The following GRIA1 variants were observed in gnomAD, a reference collection of about 807,000 sequenced individuals.
GRIA1 encodes the protein glutamate ionotropic receptor AMPA type subunit 1.
GRIA1 carries 31 observed loss-of-function variants against 99.2 expected under a neutral mutation model. The ratio of observed to expected loss-of-function variants is 0.31; its 90% CI spans 0.23 to 0.42. The LOEUF (loss-of-function observed/expected upper bound fraction) is 0.42, where lower values mean the gene tolerates loss of function less well. Among genes scored for constraint, GRIA1 ranks in the 10% least tolerant of loss-of-function variants. The pLI, the probability that GRIA1 is intolerant of heterozygous loss-of-function variation, is 1.00. For synonymous variants in GRIA1, 438 were observed against 432.4 expected, an observed-to-expected ratio of 1.01 and a Z score of -0.16; for missense variants, 782 against 1,157.5, an observed-to-expected ratio of 0.68 and a Z score of 4.71.
chr5:153,726,672 T>C (rs1334545426), intron 11 of GRIA1, among the ~76,000 whole-genome samples: 2 of 152,112 alleles, frequency 1.3e-5, no homozygotes, highest in Admixed American at 1.3e-4. Context: ...ACATACACCC[T>C]CCCAAGACTA....
At chr5:153,654,663 T>C (rs1001005345) in intron 4 of GRIA1, among the ~76,000 whole-genome samples, 2 of 152,212 alleles carry the variant, frequency 1.3e-5, no homozygotes, top group Non-Finnish European at 2.9e-5. Flanking sequence ...ACTATGCACA[T>C]ACATCCAATT....
intron 1 of GRIA1, chr5:153,492,094 G>A: frequency 7.2e-7 from 1 of 1,394,338 alleles, no homozygotes; most frequent in Non-Finnish European, 9.4e-7. Flanking sequence ...CCCTGGTAGG[G>A]AGATAGCTCC....
intron 5 of GRIA1, among the ~76,000 whole-genome samples, chr5:153,662,507 T>A (rs1318561164): frequency 1.3e-5 from 2 of 152,146 alleles, no homozygotes; most frequent in Admixed American, 6.5e-5. Flanking sequence ...CTGTGGGGTG[T>A]CTGGGAAGGC....
chr5:153,678,132 G>A (rs1756722593), intron 7 of GRIA1, among the ~76,000 whole-genome samples: 2 of 152,182 alleles, frequency 1.3e-5, no homozygotes, highest in Non-Finnish European at 2.9e-5. Flanking sequence ...GCCTGCCTAA[G>A]ACCAGCTTTA....
intron 8 of GRIA1, among the ~76,000 whole-genome samples, chr5:153,697,185 C>T (rs1758172006): frequency 6.6e-6 from 1 of 152,172 alleles, no homozygotes; most frequent in African/African-American, 2.4e-5. Flanking sequence ...GTGTAAGATC[C>T]CACACTTGGC....
intron 11 of GRIA1, among the ~76,000 whole-genome samples, chr5:153,725,560 A>C (rs1335672827): frequency 9.5e-6 from 1 of 104,892 alleles, no homozygotes; most frequent in African/African-American, 3.9e-5. Flanking sequence ...TCTACCAAGC[A>C]AATGGAAAAC....
intron 2 of GRIA1, among the ~76,000 whole-genome samples, chr5:153,537,836 G>T (rs56356100): frequency 0.067 from 10,171 of 152,190 alleles, 975 homozygotes; most frequent in African/African-American, 0.21. Flanking sequence ...CATGAGATGT[G>T]GTTTTTTGTT....
At chr5:153,718,179 C>T (rs73277290) in intron 11 of GRIA1, among the ~76,000 whole-genome samples, 3,060 of 152,120 alleles carry the variant, frequency 0.02, 97 homozygotes, top group African/African-American at 0.068. Flanking sequence ...TCTAAGTTTG[C>T]GACACAGTAG....
chr5:153,535,155 C>G (rs1758450545), intron 2 of GRIA1, among the ~76,000 whole-genome samples: 1 of 152,130 alleles, frequency 6.6e-6, no homozygotes, highest in South Asian at 2.1e-4. Flanking sequence ...CTCCTGACCT[C>G]AAGCGATCTG....
rs1167035361 is a variant in GRIA1 at position 153,647,183 on chromosome 5, G to C, written c.460+16G>C. ...GCCGACCGGGGTAAGCCAAGGGTTA[G>C]GGGAGGGAGACTTTTGAGGGATGGA... On this transcript the variant is annotated intron_variant, in intron 3 of 15. Coordinates refer to ENST00000285900, the MANE Select transcript of GRIA1 (RefSeq NM_000827.4). 1 of 1,610,572 alleles carries C rather than the reference G, an allele frequency of 6.2e-7. No homozygotes were observed. The highest frequency in any genetic ancestry group is 8.5e-7 in the Non-Finnish European group (1 of 1,177,406).
At chr5:153,780,106 T>C (rs2149635946) in intron 13 of GRIA1, among the ~76,000 whole-genome samples, 1 of 152,320 alleles carries the variant, frequency 6.6e-6, no homozygotes, top group Admixed American at 6.5e-5. Flanking sequence ...AGAGGCTGTC[T>C]TGGTCAAAAA....
chr5:153,570,218 C>T (rs1183109212), intron 2 of GRIA1, among the ~76,000 whole-genome samples: 2 of 152,188 alleles, frequency 1.3e-5, no homozygotes, highest in Non-Finnish European at 2.9e-5. Flanking sequence ...CACCTATCTA[C>T]TTTCTCTGCA....
At position 153,569,939 on chromosome 5, in the gene GRIA1, C is replaced by T. The variant is rs78935953; in HGVS notation, c.220+75874C>T. Among the ~76,000 whole-genome samples the T allele has an allele frequency of 8.9e-3, 1,352 of 152,254 alleles. 28 individuals carry two copies. The highest frequency in any genetic ancestry group is 0.031 in the African/African-American group (1,275 of 41,536). ...TGTGTTATCAGAGCTGCAACCAGAG[C>T]TAAGGTTGAGGCTTTATGAACCTTA... is the stretch of plus-strand genomic sequence containing the variant. On this transcript the variant is annotated intron_variant, in intron 2 of 15. Coordinates refer to ENST00000285900, the MANE Select transcript of GRIA1 (RefSeq NM_000827.4).
At chr5:153,586,817 T>C (rs1763525925) in intron 2 of GRIA1, among the ~76,000 whole-genome samples, 1 of 152,162 alleles carries the variant, frequency 6.6e-6, no homozygotes, top group African/African-American at 2.4e-5. Context: ...TTTACTCAAA[T>C]GTAAAGAAAA....
In GRIA1 at chr5:153,686,312, C is replaced by T. The variant is rs1338836265; in HGVS notation, c.1117C>T (p.His373Tyr). Residue 373 changes from histidine (H) to tyrosine (Y), a missense_variant, in exon 8 of 16, where the codon CAT becomes TAT. His to Tyr is a moderately conservative substitution (Grantham distance 83, BLOSUM62 2). Coordinates refer to ENST00000285900, the MANE Select transcript of GRIA1 (RefSeq NM_000827.4). ...NYTLHVIEMK[H>Y]DGIRKIGYWN... ...CACGCTCCACGTGATTGAAATGAAA[C>T]ATGACGGCATCCGAAAGGTAAGGTC... 7 of 1,613,362 alleles carry T rather than the reference C, an allele frequency of 4.3e-6. No homozygotes were observed. Among genetic ancestry groups the T allele is most frequent in the Non-Finnish European group, 5.9e-6 (7 of 1,179,306 alleles).
chr5:153,624,294 G>A (rs925487711), intron 2 of GRIA1, among the ~76,000 whole-genome samples: 17 of 152,214 alleles, frequency 1.1e-4, no homozygotes, highest in African/African-American at 3.4e-4. Context: ...CTCTCTAACC[G>A]TGACTCAGCA....
At chr5:153,666,276 C>A (rs1038659204) in intron 5 of GRIA1, among the ~76,000 whole-genome samples, 1 of 152,186 alleles carries the variant, frequency 6.6e-6, no homozygotes, top group South Asian at 2.1e-4. Flanking sequence ...GGGCCAACGT[C>A]CCTGCCCTCC....
chr5:153,693,534 A>G (rs1158520377), intron 8 of GRIA1, among the ~76,000 whole-genome samples: 1 of 152,228 alleles, frequency 6.6e-6, no homozygotes, highest in African/African-American at 2.4e-5. Context: ...TGACTGTGCA[A>G]TATAGATCAA....
chr5:153,635,741 T>A (rs1246705011), intron 2 of GRIA1, among the ~76,000 whole-genome samples: 1 of 152,198 alleles, frequency 6.6e-6, no homozygotes, highest in Non-Finnish European at 1.5e-5. Flanking sequence ...TGGTAGAGCC[T>A]TGGCCTCAAA....
Sources: allele counts gnomAD v4.1 joint callset (sites outside exome capture counted in the v4.1 genomes callset), GRCh38; gene constraint gnomAD v4.1.1; transcripts MANE v1.5; gene names NCBI Gene and HGNC (gene_info 2026-07-23, HGNC 2026-07-21).